PARP8: variants seen among roughly 807,000 people sequenced by gnomAD.
PARP8 encodes poly(ADP-ribose) polymerase family member 8, also known as protein mono-ADP-ribosyltransferase PARP8.
In PARP8, 51 loss-of-function variants were observed where a neutral mutation model predicts 124.1. That is an observed-to-expected ratio of 0.41 (90% CI 0.33 to 0.52). The LOEUF is 0.52. PARP8 is among the 20% of genes least tolerant of loss of function. PARP8 has a pLI of 0.21. For missense variants in PARP8, 860 were observed against 1,018.9 expected, an observed-to-expected ratio of 0.84 and a Z score of 2.12; for synonymous variants, 391 against 361.5, an observed-to-expected ratio of 1.08 and a Z score of -0.93.
intron 2 of PARP8, among the ~76,000 whole-genome samples, chr5:50,729,309 G>GA (rs1191600081): frequency 6.6e-6 from 1 of 152,080 alleles, no homozygotes; most frequent in African/African-American, 2.4e-5. Flanking sequence ...GCATACAGGG[G>GA]AAAAAACTTT....
chr5:50,819,501 C>T (rs769668263), intron 15 of PARP8, among the ~76,000 whole-genome samples: 8 of 124,442 alleles, frequency 6.4e-5, no homozygotes, highest in African/African-American at 1.6e-4. Flanking sequence ...AGTGCAGTGG[C>T]GCAATCTTGG....
At chr5:50,697,882 T>C (rs1380313713) in intron 2 of PARP8, among the ~76,000 whole-genome samples, 2 of 152,230 alleles carry the variant, frequency 1.3e-5, no homozygotes, top group Admixed American at 1.3e-4. Flanking sequence ...CTTGTTACTT[T>C]AGTCAACTTT....
In PARP8 at chr5:50,667,790, C is replaced by A. The variant is rs1749511995; in HGVS notation, c.92-281C>A. The A allele has an allele frequency of 6.6e-6, 6 of 905,848 alleles. No homozygotes were observed. In the East Asian group the frequency reaches 1.0e-4, roughly 16 times the overall value. The allele number at this position is 905,848 out of a possible 1,614,324, so 56.1% of individuals were successfully genotyped here. On this transcript the variant is annotated intron_variant, in intron 1 of 25. Transcript: ENST00000281631. ...TCCCCCGGGATTTTGCTTTCGCTAC[C>A]GCGAGCCCGGCTGAGGCTGCTTCCG...
At position 50,716,050 on chromosome 5, in the gene PARP8, C is replaced by G. The variant is rs138902683; in HGVS notation, c.147-34101C>G. On this transcript the variant is annotated intron_variant, in intron 2 of 25. Coordinates refer to ENST00000281631, the MANE Select transcript of PARP8 (RefSeq NM_024615.4). Reference sequence around the variant, plus strand: ...GAATCCAAAATTTACTGTGCTTTATCGAAATGAGTAATTCTTTCCAAAAAC... The same window carrying G: ...GAATCCAAAATTTACTGTGCTTTATGGAAATGAGTAATTCTTTCCAAAAAC... 9.3e-4 allele frequency among the ~76,000 whole-genome samples: 142 copies of G among 152,122 alleles called. 1 individual carries two copies. The highest frequency in any genetic ancestry group is 1.2e-4 in the Non-Finnish European group (8 of 67,974).
intron 2 of PARP8, among the ~76,000 whole-genome samples, chr5:50,700,410 CT>C (rs1391382782): frequency 6.6e-6 from 1 of 152,188 alleles, no homozygotes; most frequent in Non-Finnish European, 1.5e-5. Flanking sequence ...AAGATAAAAA[CT>C]TCTTTCCTTG....
At chr5:50,692,126 A>C (rs1015494400) in intron 2 of PARP8, among the ~76,000 whole-genome samples, 4 of 152,128 alleles carry the variant, frequency 2.6e-5, no homozygotes, top group Admixed American at 2.6e-4. Flanking sequence ...ATCTTTATTG[A>C]ATATAAATCT....
chr5:50,723,327 T>C (rs1194713995), intron 2 of PARP8, among the ~76,000 whole-genome samples: 1 of 152,116 alleles, frequency 6.6e-6, no homozygotes, highest in Admixed American at 6.6e-5. Flanking sequence ...GTTTAATTCA[T>C]TGTATTCTCT....
chr5:50,845,616 T>A lies in PARP8; in HGVS notation c.*3548T>A, dbSNP rs1247320969. 6.6e-6 allele frequency: 1 copy of A among 151,794 alleles called. No individual in the cohort carries two copies. Among genetic ancestry groups the A allele is most frequent in the Non-Finnish European group, 1.5e-5 (1 of 67,816 alleles). The allele number at this position is 151,794 out of a possible 1,614,324, so 9.4% of individuals were successfully genotyped here. ...CTGGACACAGATGTTGTCAGTTACT[T>A]CTGGACAATGTGGTAACATGGATAT... On this transcript the variant is annotated 3_prime_UTR_variant, in exon 26 of 26. Coordinates refer to ENST00000281631, the MANE Select transcript of PARP8 (RefSeq NM_024615.4).
Position 50,666,799 on chromosome 5 carries a change from A to T in PARP8, c.-297A>T. ...CCGGGCGGGTGAGGGAGAAAGTGAGACTTGGTGTCATCACCATCCATTGTC... is the reference window on the plus strand; with the variant it reads ...CCGGGCGGGTGAGGGAGAAAGTGAGTCTTGGTGTCATCACCATCCATTGTC... On this transcript the variant is annotated 5_prime_UTR_variant, in exon 1 of 26. Transcript: ENST00000281631. 1.8e-6 allele frequency: 2 copies of T among 1,113,654 alleles called. No homozygotes were observed. Among genetic ancestry groups the T allele is most frequent in the Non-Finnish European group, 2.3e-6 (2 of 871,238 alleles). 69.0% of individuals were successfully genotyped at this position (1,113,654 alleles called of 1,614,324 possible). A position where few individuals can be genotyped will look rare whatever the true frequency, so the allele number is the denominator to read the frequency against.
chr5:50,746,980 A>G (rs1311605938), intron 2 of PARP8, among the ~76,000 whole-genome samples: 1 of 152,102 alleles, frequency 6.6e-6, no homozygotes, highest in East Asian at 1.9e-4. Context: ...GTGAGCTATG[A>G]TTATGCCATT....
intron 2 of PARP8, among the ~76,000 whole-genome samples, chr5:50,749,376 G>A (rs1366715265): frequency 6.6e-6 from 1 of 151,994 alleles, no homozygotes; most frequent in African/African-American, 2.4e-5. Flanking sequence ...ATGCACCAAA[G>A]TAAATGATGA....
rs1222130913 is a variant in PARP8 at position 50,845,481 on chromosome 5, A to G, written c.*3413A>G. 1 of 151,770 alleles carries G rather than the reference A, an allele frequency of 6.6e-6. No individual in the cohort carries two copies. The highest frequency in any genetic ancestry group is 6.6e-5 in the Admixed American group (1 of 15,190). 9.4% of individuals were successfully genotyped at this position (151,770 alleles called of 1,614,324 possible). A position where few individuals can be genotyped will look rare whatever the true frequency, so the allele number is the denominator to read the frequency against. On this transcript the variant is annotated 3_prime_UTR_variant, in exon 26 of 26. Transcript: ENST00000281631. ...TTGCTGAATTCTTTATTATAACACT[A>G]CCTCAAGACAAATGATAGACTGTTG...
chr5:50,842,241 A>G lies in PARP8; in HGVS notation c.*173A>G, dbSNP rs527261656. 2.6e-5 allele frequency: 13 copies of G among 496,726 alleles called. No individual in the cohort carries two copies. The highest frequency in any genetic ancestry group is 2.6e-4 in the South Asian group (10 of 38,570). The allele number at this position is 496,726 out of a possible 1,614,324, so 30.8% of individuals were successfully genotyped here. On this transcript the variant is annotated 3_prime_UTR_variant, in exon 26 of 26. Transcript: ENST00000281631. The stretch of plus-strand genomic sequence containing the variant: ...TATCTCATTAAATACCTAAAATGGT[A>G]TAAGATTTATCAATTGTAGGGTTAT...
At chr5:50,738,715 TA>T (rs71612375) in intron 2 of PARP8, among the ~76,000 whole-genome samples, 57,169 of 135,370 alleles carry the variant, frequency 0.42, 12,288 homozygotes, top group Non-Finnish European at 0.5. Context: ...GCTGATAAGT[TA>T]AAAAAAAAAA....
At position 50,841,990 on chromosome 5, in the gene PARP8, T is replaced by C; in HGVS notation, c.2487T>C (p.Asp829=). 6.2e-7 allele frequency: 1 copy of C among 1,601,136 alleles called. No homozygotes were observed. The highest frequency in any genetic ancestry group is 8.5e-7 in the Non-Finnish European group (1 of 1,173,690). ...GCTATGAAGACGGCCAAGTGGGAGA[T>C]GCAAATATTAATACACAAGAAGGAG... ...FFVYEDGQVG[D]ANINTQEGGI... The change falls in exon 26 of 26, where the codon GAT becomes GAC. Residue 829 remains aspartate (D), a synonymous_variant. Transcript: ENST00000281631.
chr5:50,684,619 G>A (rs1216770364), intron 2 of PARP8, among the ~76,000 whole-genome samples: 1 of 152,142 alleles, frequency 6.6e-6, no homozygotes, highest in Admixed American at 6.6e-5. Flanking sequence ...ACATGAGCCT[G>A]TCAGAGAACT....
Position 50,667,011 on chromosome 5 carries a change from C to A in PARP8, c.-85C>A, listed in dbSNP as rs1463269495. 2.7e-6 allele frequency: 4 copies of A among 1,490,756 alleles called. No individual in the cohort carries two copies. The African/African-American group carries it at 4.2e-5, about 16-fold the overall frequency. 92.3% of individuals were successfully genotyped at this position (1,490,756 alleles called of 1,614,324 possible). ...CCTCGGCCAGAGGTTTCATTTTTAA[C>A]TGAATATTTACGAAAGCTGGAAGCG... On this transcript the variant is annotated 5_prime_UTR_variant, in exon 1 of 26. It adds an upstream start codon to the 5' untranslated region. Coordinates refer to ENST00000281631, the MANE Select transcript of PARP8 (RefSeq NM_024615.4).
At chr5:50,787,647 C>G (rs1360774150) in intron 9 of PARP8, among the ~76,000 whole-genome samples, 2 of 152,054 alleles carry the variant, frequency 1.3e-5, no homozygotes, top group Admixed American at 6.6e-5. Flanking sequence ...TGTTTTTACT[C>G]TTCCATCTGA....
At chr5:50,687,352 T>TA (rs535341567) in intron 2 of PARP8, among the ~76,000 whole-genome samples, 193 of 152,304 alleles carry the variant, frequency 1.3e-3, no homozygotes, top group Non-Finnish European at 2.3e-3. Flanking sequence ...AGCCTGGACT[T>TA]TATTGTCCAT....
Sources: gnomAD v4.1 joint callset for allele counts (sites outside exome capture counted in the v4.1 genomes callset) on GRCh38, gnomAD v4.1.1 for gene constraint, MANE v1.5 for transcripts, NCBI Gene and HGNC (gene_info 2026-07-23, HGNC 2026-07-21) for gene names.